SLCO1A2: variants seen among roughly 807,000 people sequenced by gnomAD.
The protein encoded by SLCO1A2 is solute carrier organic anion transporter family member 1A2, also known as OATP-1.
Under a neutral mutation model 69.0 loss-of-function variants are expected in SLCO1A2, and 67 were observed. The observed-to-expected ratio is 0.97, with a 90% confidence interval of 0.80 to 1.19. SLCO1A2 has a LOEUF of 1.19. Among genes scored for constraint, SLCO1A2 ranks in the 50% most tolerant of loss-of-function variants. The probability of loss-of-function intolerance (pLI) is 0.00; values close to 1 mark genes in which losing one functional copy is unlikely to be tolerated. For missense variants in SLCO1A2, 787 were observed against 793.7 expected (o/e 0.99, Z 0.10); for synonymous variants, 260 against 265.9 (o/e 0.98, Z 0.22).
At chr12:21,296,376 G>T (rs1051134745) in intron 9 of SLCO1A2, among the ~76,000 whole-genome samples, 1 of 152,038 alleles carries the variant, frequency 6.6e-6, no homozygotes, top group African/African-American at 2.4e-5. Flanking sequence ...AAGTAGCTGG[G>T]ACTACAGGTG....
chr12:21,320,632 G>A (rs1426586584), intron 2 of SLCO1A2, among the ~76,000 whole-genome samples: 2 of 151,998 alleles, frequency 1.3e-5, no homozygotes, highest in Non-Finnish European at 2.9e-5. Context: ...CCAAGTAGCT[G>A]GGGCTACAAG....
At chr12:21,363,086 A>G (rs1360833811) in intron 2 of SLCO1A2, among the ~76,000 whole-genome samples, 2 of 152,228 alleles carry the variant, frequency 1.3e-5, no homozygotes, top group Non-Finnish European at 2.9e-5. Context: ...AAACAACAGA[A>G]TATACATTCT....
At chr12:21,353,388 A>G (rs1192488296) in intron 2 of SLCO1A2, among the ~76,000 whole-genome samples, 1 of 152,082 alleles carries the variant, frequency 6.6e-6, no homozygotes, top group Non-Finnish European at 1.5e-5. Context: ...GTAATATTGC[A>G]TAGAGGGAAA....
intron 2 of SLCO1A2, chr12:21,373,221 C>A: frequency 1.4e-6 from 1 of 720,710 alleles, no homozygotes; most frequent in Non-Finnish European, 2.4e-6. Flanking sequence ...AATTTTGATC[C>A]TTGTAAATTA....
intron 1 of SLCO1A2, chr12:21,378,287 G>T: frequency 6.2e-7 from 1 of 1,614,130 alleles, no homozygotes; most frequent in Non-Finnish European, 8.5e-7. Context: ...GCAACGCAGC[G>T]CCTGGCAAAT....
At chr12:21,402,218 A>G (rs1365276531) in intron 1 of SLCO1A2, among the ~76,000 whole-genome samples, 1 of 151,488 alleles carries the variant, frequency 6.6e-6, no homozygotes, top group Non-Finnish European at 1.5e-5. Context: ...ACAAAGGCAA[A>G]AAGTACCATA....
At chr12:21,364,604 A>G (rs943160130) in intron 2 of SLCO1A2, among the ~76,000 whole-genome samples, 1 of 152,228 alleles carries the variant, frequency 6.6e-6, no homozygotes, top group African/African-American at 2.4e-5. Context: ...GAGGAAGTCA[A>G]ATTGTCCCTG....
intron 3 of SLCO1A2, among the ~76,000 whole-genome samples, chr12:21,316,502 C>G (rs1384084277): frequency 1.3e-5 from 2 of 151,636 alleles, no homozygotes; most frequent in African/African-American, 4.8e-5. Context: ...GGGAATAGTT[C>G]TTCATCCTTG....
intron 13 of SLCO1A2, 103 bp downstream of exon 13, chr12:21,275,257 A>T: frequency 9.2e-7 from 1 of 1,083,738 alleles, no homozygotes; most frequent in East Asian, 2.9e-5. Flanking sequence ...ATATGTAACA[A>T]ACCTGCACGT....
At chr12:21,360,915 A>T (rs1938809025) in intron 2 of SLCO1A2, among the ~76,000 whole-genome samples, 1 of 152,180 alleles carries the variant, frequency 6.6e-6, no homozygotes, top group South Asian at 2.1e-4. Flanking sequence ...AGCCCACCGC[A>T]GCTCAAGGAG....
At chr12:21,364,248 C>G (rs1195202297) in intron 2 of SLCO1A2, among the ~76,000 whole-genome samples, 1 of 152,082 alleles carries the variant, frequency 6.6e-6, no homozygotes, top group Non-Finnish European at 1.5e-5. Flanking sequence ...TCAACATATG[C>G]AAATCAATAA....
intron 4 of SLCO1A2, among the ~76,000 whole-genome samples, chr12:21,313,435 T>G (rs7977652): frequency 0.37 from 56,034 of 152,126 alleles, 10,996 homozygotes; most frequent in African/African-American, 0.5. Flanking sequence ...AGGCAAGGCT[T>G]GGCCAGGTGG....
At chr12:21,339,383 A>G (rs1204201720), upstream of SLCO1A2, among the ~76,000 whole-genome samples, 1 of 151,968 alleles carries the variant, frequency 6.6e-6, no homozygotes, top group Non-Finnish European at 1.5e-5. Context: ...CATTTGAACG[A>G]TCACTTGATT....
chr12:21,318,394 C>T (rs1459308395), intron 3 of SLCO1A2, among the ~76,000 whole-genome samples: 1 of 152,198 alleles, frequency 6.6e-6, no homozygotes, highest in Non-Finnish European at 1.5e-5. Context: ...GCTGGGAGTA[C>T]AGGCATGAGC....
At chr12:21,280,359 A>C (rs1412458574) in intron 12 of SLCO1A2, among the ~76,000 whole-genome samples, 1 of 152,170 alleles carries the variant, frequency 6.6e-6, no homozygotes, top group Non-Finnish European at 1.5e-5. Flanking sequence ...TCATAAAGAC[A>C]GACACAGAAA....
chr12:21,318,628 C>T, intron 3 of SLCO1A2, among the ~76,000 whole-genome samples, 154 bp downstream of exon 3: 1 of 152,154 alleles, frequency 6.6e-6, no homozygotes, highest in East Asian at 1.9e-4. Context: ...TATTTCCAAG[C>T]ATATTCTAAG....
chr12:21,278,720 A>C (rs1944311265), intron 12 of SLCO1A2, among the ~76,000 whole-genome samples: 1 of 152,120 alleles, frequency 6.6e-6, no homozygotes, highest in Admixed American at 6.6e-5. Context: ...AAGCCTGCTC[A>C]AGAAGGATGG....
chr12:21,274,345 C>T, intron 14 of SLCO1A2, 124 bp downstream of exon 14: 6 of 566,830 alleles, frequency 1.1e-5, no homozygotes, highest in Non-Finnish European at 1.6e-5. Context: ...ACATCAGTAT[C>T]TCTGCTGGAA....
intron 2 of SLCO1A2, chr12:21,319,562 AT>A: frequency 1.1e-6 from 1 of 939,378 alleles, no homozygotes; most frequent in African/African-American, 1.7e-5. Flanking sequence ...AGGACAGAGT[AT>A]TTTCAGGGTT....
Sources: allele counts gnomAD v4.1 joint callset (sites outside exome capture counted in the v4.1 genomes callset), GRCh38; gene constraint gnomAD v4.1.1; transcripts MANE v1.5; gene names NCBI Gene and HGNC (gene_info 2026-07-23, HGNC 2026-07-21).